The following PPP2R1A variants were observed in gnomAD, a reference collection of about 807,000 sequenced individuals.
PPP2R1A encodes serine/threonine-protein phosphatase 2A 65 kDa regulatory subunit A alpha isoform.
Under a neutral mutation model 67.1 loss-of-function variants are expected in PPP2R1A, and 15 were observed. The observed-to-expected ratio is 0.22, with a 90% CI of 0.15 to 0.34. The LOEUF (loss-of-function observed/expected upper bound fraction) is 0.34. PPP2R1A is among the 10% of genes least tolerant of loss of function. PPP2R1A has a pLI of 1.00. For synonymous variants in PPP2R1A, 337 were observed against 325.0 expected (o/e 1.04, Z -0.40); for missense variants, 369 against 775.0 (o/e 0.48, Z 6.22).
rs527985013 is a variant in PPP2R1A at position 52,219,941 on chromosome 19, C to T, written c.1302+77C>T. The T allele has an allele frequency of 6.1e-5, 91 of 1,499,724 alleles. No individual in the cohort carries two copies. The highest frequency in any genetic ancestry group is 5.8e-4 in the African/African-American group (42 of 72,438). The allele number at this position is 1,499,724 out of a possible 1,614,324, so 92.9% of individuals were successfully genotyped here. The stretch of plus-strand genomic sequence containing the variant: ...TATGTCCAGGGCTGTGATGGGGAAA[C>T]GGGGCTTTGAAGGCTTAGTGGAGGC... On this transcript the variant is annotated intron_variant, in intron 10 of 14. Coordinates refer to ENST00000322088, the MANE Select transcript of PPP2R1A (RefSeq NM_014225.6). The surrounding 1 kb of genome is among the most constrained non-coding windows in gnomAD (Gnocchi z 4.0).
At chr19:52,217,927 C>G (rs1291437955) in intron 9 of PPP2R1A, among the ~76,000 whole-genome samples, 1 of 151,974 alleles carries the variant, frequency 6.6e-6, no homozygotes, top group African/African-American at 2.4e-5. Context: ...AGAAGGCACC[C>G]TGAGGCTTAT....
chr19:52,202,839 A>G (rs1220404284), intron 2 of PPP2R1A, among the ~76,000 whole-genome samples: 1 of 152,266 alleles, frequency 6.6e-6, no homozygotes, highest in Non-Finnish European at 1.5e-5. Flanking sequence ...CATGAAGACT[A>G]AATAAGATAC....
Position 52,216,800 on chromosome 19 carries a change from T to C in PPP2R1A, c.1128+137T>C. ...TCCAGATCTTTGCTGAGTTGCATGTTTGTGGGCATAGCTGTGTGTTCATGC... is the reference window on the plus strand; with the variant it reads ...TCCAGATCTTTGCTGAGTTGCATGTCTGTGGGCATAGCTGTGTGTTCATGC... On this transcript the variant is annotated intron_variant, in intron 9 of 14. Transcript: ENST00000322088. The surrounding 1 kb of genome is among the most constrained non-coding windows in gnomAD (Gnocchi z 4.3). 7.4e-7 allele frequency: 1 copy of C among 1,358,644 alleles called. No homozygotes were observed. Among genetic ancestry groups the C allele is most frequent in the Non-Finnish European group, 1.0e-6 (1 of 989,170 alleles). 84.2% of individuals were successfully genotyped at this position (1,358,644 alleles called of 1,614,324 possible). A position where few individuals can be genotyped will look rare whatever the true frequency, so the allele number is the denominator to read the frequency against.
rs963159722 is a variant in PPP2R1A, at chr19:52,219,672, C to A, written c.1129-19C>A. ...TGTGTGCATTGCATTCTCTCAGAAT[C>A]CTTCTTTCCTCTCCTCAGTGCCCTG... On this transcript the variant is annotated intron_variant, in intron 9 of 14. Coordinates refer to ENST00000322088, the MANE Select transcript of PPP2R1A (RefSeq NM_014225.6). This position sits in a 1 kb window ranked among gnomAD's most constrained non-coding sequence, Gnocchi z 4.0. 6.3e-7 allele frequency: 1 copy of A among 1,598,648 alleles called. No individual in the cohort carries two copies. Among genetic ancestry groups the A allele is most frequent in the Admixed American group, 1.7e-5 (1 of 59,330 alleles).
intron 2 of PPP2R1A, among the ~76,000 whole-genome samples, chr19:52,205,226 C>T (rs2089589927): frequency 6.6e-6 from 1 of 152,198 alleles, no homozygotes; most frequent in Admixed American, 6.5e-5. Context: ...ATCAGCAGTT[C>T]CCACTGCCTC....
rs1979205258 is a variant in PPP2R1A, at chr19:52,225,615, C to A, written c.1662-102C>A. 6 of 1,029,392 alleles carry A rather than the reference C, an allele frequency of 5.8e-6. No individual in the cohort carries two copies. In the South Asian group the frequency reaches 6.9e-5, roughly 12 times the overall value. 63.8% of individuals were successfully genotyped at this position (1,029,392 alleles called of 1,614,324 possible). On this transcript the variant is annotated intron_variant, in intron 13 of 14. Coordinates refer to ENST00000322088, the MANE Select transcript of PPP2R1A (RefSeq NM_014225.6). ...TCCTCCCACCTTGGGTTTGGTGTAT[C>A]CGTGTCTGTGTACACTCTCTTGCCC... is the stretch of plus-strand genomic sequence containing the variant.
intron 1 of PPP2R1A, 32 bp from the exon 2 acceptor site, chr19:52,201,912 A>G (rs538075795): frequency 8.1e-6 from 13 of 1,602,104 alleles, no homozygotes; most frequent in Admixed American, 5.0e-5. Flanking sequence ...GATTTCTAAC[A>G]TTCTCCCCTC....
chr19:52,205,821 T>G (rs775212147), intron 2 of PPP2R1A, 142 bp from the exon 3 acceptor site: 1 of 701,034 alleles, frequency 1.4e-6, no homozygotes, highest in East Asian at 2.6e-5. Context: ...GCAGCCCAGG[T>G]GGAGAGTGGG....
intron 3 of PPP2R1A, among the ~76,000 whole-genome samples, chr19:52,206,998 G>T (rs2089610500): frequency 6.6e-6 from 1 of 152,180 alleles, no homozygotes; most frequent in Admixed American, 6.5e-5. Context: ...GCTTATCATT[G>T]TTGGGATCTT....
In PPP2R1A at chr19:52,211,821, T is replaced by C; in HGVS notation, c.503+329T>C. 5.9e-6 allele frequency: 2 copies of C among 341,404 alleles called. No individual in the cohort carries two copies. Among genetic ancestry groups the C allele is most frequent in the Non-Finnish European group, 1.1e-5 (2 of 185,810 alleles). 21.1% of individuals were successfully genotyped at this position (341,404 alleles called of 1,614,324 possible). On this transcript the variant is annotated intron_variant, in intron 4 of 14. Coordinates refer to ENST00000322088, the MANE Select transcript of PPP2R1A (RefSeq NM_014225.6). The surrounding 1 kb of genome is among the most constrained non-coding windows in gnomAD (Gnocchi z 5.3). ...TGGAACATAAAAACTTTCAGCAACT[T>C]ACATCTGATGGTATCTCCAGCCTGT...
In PPP2R1A at chr19:52,229,414, C is replaced by T. The variant is rs1446045298; in HGVS notation, c.*3433C>T. The T allele has an allele frequency of 6.6e-6, 1 of 152,216 alleles. No individual in the cohort carries two copies. Among genetic ancestry groups the T allele is most frequent in the Non-Finnish European group, 1.5e-5 (1 of 68,080 alleles). The allele number at this position is 152,216 out of a possible 1,614,324, so 9.4% of individuals were successfully genotyped here. A position where few individuals can be genotyped will look rare whatever the true frequency, so the allele number is the denominator to read the frequency against. ...GAGCCTAGATTGGGCCATTGCACTC[C>T]AGCCAGGGTGACAGAGCAAGACCCC... On this transcript the variant is annotated 3_prime_UTR_variant, in exon 15 of 15. Transcript: ENST00000322088.
At chr19:52,194,418 A>C (rs968970954) in intron 1 of PPP2R1A, among the ~76,000 whole-genome samples, 1 of 152,162 alleles carries the variant, frequency 6.6e-6, no homozygotes, top group African/African-American at 2.4e-5. Context: ...GCCAAGGTGA[A>C]GGCCTTGAAG....
intron 1 of PPP2R1A, among the ~76,000 whole-genome samples, chr19:52,193,178 G>A (rs1328465073): frequency 6.6e-6 from 1 of 152,160 alleles, no homozygotes; most frequent in Admixed American, 6.5e-5. Context: ...TAAATAACAT[G>A]GCCAAAGCTG....
chr19:52,214,705 A>G (rs1351510120), intron 6 of PPP2R1A, among the ~76,000 whole-genome samples: 2 of 151,090 alleles, frequency 1.3e-5, no homozygotes, highest in African/African-American at 4.9e-5. Context: ...GTGCCATGAA[A>G]CAGGCAGGGC....
At chr19:52,225,185 T>A (rs1236556240) in intron 13 of PPP2R1A, among the ~76,000 whole-genome samples, 1 of 151,624 alleles carries the variant, frequency 6.6e-6, no homozygotes, top group Non-Finnish European at 1.5e-5. Flanking sequence ...GCCCTGCTAA[T>A]TTTGTGTTTT....
At chr19:52,210,339 C>G (rs995351318) in intron 3 of PPP2R1A, among the ~76,000 whole-genome samples, 4 of 152,036 alleles carry the variant, frequency 2.6e-5, no homozygotes, top group African/African-American at 9.7e-5. Context: ...AGTCCCGAGC[C>G]CCATAGTCCC....
rs1334151690 is a variant in PPP2R1A at position 52,216,582 on chromosome 19, C to T, written c.1047C>T (p.Ile349=). The T allele has an allele frequency of 6.8e-6, 11 of 1,614,034 alleles. No individual in the cohort carries two copies. Among genetic ancestry groups the T allele is most frequent in the African/African-American group, 1.3e-5 (1 of 74,916 alleles). The change falls in exon 9 of 15, where the codon ATC becomes ATT. Residue 349 remains isoleucine, a synonymous_variant. Coordinates refer to ENST00000322088, the MANE Select transcript of PPP2R1A (RefSeq NM_014225.6). This position sits in a 1 kb window ranked among gnomAD's most constrained non-coding sequence, Gnocchi z 4.3. The part of the protein sequence containing the change: ...QHVKSALASV[I]MGLSPILGKD... ...TCAAGTCTGCCCTGGCCTCAGTCATCATGGGTCTCTCTCCCATCTTGGGCA... is the reference window on the plus strand; with the variant it reads ...TCAAGTCTGCCCTGGCCTCAGTCATTATGGGTCTCTCTCCCATCTTGGGCA...
At position 52,229,340 on chromosome 19, in the gene PPP2R1A, G is replaced by C. The variant is rs1183315016; in HGVS notation, c.*3359G>C. 6.6e-6 allele frequency: 1 copy of C among 152,254 alleles called. No homozygotes were observed. The highest frequency in any genetic ancestry group is 1.5e-5 in the Non-Finnish European group (1 of 68,144). The allele number at this position is 152,254 out of a possible 1,614,324, so 9.4% of individuals were successfully genotyped here. A position where few individuals can be genotyped will look rare whatever the true frequency, so the allele number is the denominator to read the frequency against. On this transcript the variant is annotated 3_prime_UTR_variant, in exon 15 of 15. Coordinates refer to ENST00000322088, the MANE Select transcript of PPP2R1A (RefSeq NM_014225.6). The stretch of plus-strand genomic sequence containing the variant: ...GGCGCCTGTAATCCCAGCTACTCAG[G>C]AGGCTGAGGCGGGAGGATTGCTTGA...
chr19:52,207,541 C>G (rs531442076), intron 3 of PPP2R1A, among the ~76,000 whole-genome samples: 1 of 152,292 alleles, frequency 6.6e-6, no homozygotes. Flanking sequence ...GGAAGCAGTT[C>G]CCTGTGACCG....
Sources: allele counts gnomAD v4.1 joint callset (sites outside exome capture counted in the v4.1 genomes callset), GRCh38; gene constraint gnomAD v4.1.1; non-coding constraint Gnocchi (gnomAD v3.1); transcripts MANE v1.5; gene names NCBI Gene and HGNC (gene_info 2026-07-23, HGNC 2026-07-21).